CFAP77: variants seen among roughly 807,000 people sequenced by gnomAD.
The protein encoded by CFAP77 is cilia- and flagella-associated protein 77.
CFAP77 carries 25 observed loss-of-function variants against 31.1 expected under a neutral mutation model. The ratio of observed to expected loss-of-function variants is 0.80; its 90% CI spans 0.59 to 1.12. The LOEUF is 1.12. CFAP77 is among the 50% of genes most tolerant of loss of function. CFAP77 has a pLI of 0.00. For synonymous variants in CFAP77, 151 were observed against 159.9 expected (o/e 0.94, Z 0.42); for missense variants, 377 against 397.3 (o/e 0.95, Z 0.44).
chr9:132,456,157 T>C (rs1436700404), intron 1 of CFAP77, among the ~76,000 whole-genome samples: 1 of 152,164 alleles, frequency 6.6e-6, no homozygotes, highest in Non-Finnish European at 1.5e-5. Flanking sequence ...CGTGGTTACA[T>C]TTGAATGGAG....
intron 3 of CFAP77, among the ~76,000 whole-genome samples, chr9:132,500,320 C>T (rs1236508723): frequency 2.0e-5 from 3 of 152,174 alleles, no homozygotes. Flanking sequence ...CTTGCCCCAG[C>T]TTCCACATCT....
chr9:132,510,306 C>G (rs981803974), intron 3 of CFAP77, among the ~76,000 whole-genome samples: 2 of 152,252 alleles, frequency 1.3e-5, no homozygotes, highest in African/African-American at 2.4e-5. Context: ...GGGAGGGGCA[C>G]AGCGAAAGCC....
At chr9:132,559,368 G>GAAAAAAAAAAAAAAAAAAAA (rs1852959566) in intron 5 of CFAP77, among the ~76,000 whole-genome samples, 2 of 80,498 alleles carry the variant, frequency 2.5e-5, no homozygotes, top group East Asian at 3.0e-4. Context: ...AAAAAAAAAG[G>GAAAAAAAAAAAAAAAAAAAA]CAAAAGATAG....
Position 132,539,616 on chromosome 9 carries a change from C to T in CFAP77, c.630+1910C>T, listed in dbSNP as rs910263435. Among the ~76,000 whole-genome samples the T allele has an allele frequency of 2.0e-5, 3 of 152,068 alleles. No homozygotes were observed. Among genetic ancestry groups the T allele is most frequent in the Non-Finnish European group, 2.9e-5 (2 of 68,020 alleles). On this transcript the variant is annotated intron_variant, in intron 4 of 5. Coordinates refer to ENST00000393216, the MANE Select transcript of CFAP77 (RefSeq NM_001282957.2). The surrounding 1 kb of genome is among the most constrained non-coding windows in gnomAD (Gnocchi z 4.3). ...ACCAGGGGATCGGAGGAGTCTTTCT[C>T]GAAATCCTGGTACCCTCAGGAGGGG...
rs921965532 is a variant in CFAP77 at position 132,497,121 on chromosome 9, G to A, written c.196-1574G>A. 7.9e-5 allele frequency among the ~76,000 whole-genome samples: 12 copies of A among 151,892 alleles called. No individual in the cohort carries two copies. The highest frequency in any genetic ancestry group is 1.5e-4 in the Non-Finnish European group (10 of 67,994). On this transcript the variant is annotated intron_variant, in intron 1 of 5. Coordinates refer to ENST00000393216, the MANE Select transcript of CFAP77 (RefSeq NM_001282957.2). The surrounding 1 kb of genome is among the most constrained non-coding windows in gnomAD (Gnocchi z 4.9). ...CCTGCGATCCTTCAGATGAGGGGGA[G>A]TGGGTTTGTCTATCTCAACAGGGGG...
intron 1 of CFAP77, among the ~76,000 whole-genome samples, chr9:132,446,461 T>C (rs1425897116): frequency 6.6e-6 from 1 of 151,722 alleles, no homozygotes; most frequent in Non-Finnish European, 1.5e-5. Flanking sequence ...GCTCTCAAGG[T>C]CGGGCGTGGT....
At position 132,500,853 on chromosome 9, in the gene CFAP77, G is replaced by A. The variant is rs145758263; in HGVS notation, c.524+1253G>A. On this transcript the variant is annotated intron_variant, in intron 3 of 5. Transcript: ENST00000393216. ...TCCCTAGTGCTAATGAGGGCCCACAGGCCACACGCAAGTAGGGAGGGAGAT... is the reference window on the plus strand; with the variant it reads ...TCCCTAGTGCTAATGAGGGCCCACAAGCCACACGCAAGTAGGGAGGGAGAT... Among the ~76,000 whole-genome samples the A allele has an allele frequency of 2.3e-3, 350 of 152,308 alleles. 2 individuals are homozygous for A. The highest frequency in any genetic ancestry group is 8.1e-3 in the African/African-American group (336 of 41,558).
intron 1 of CFAP77, among the ~76,000 whole-genome samples, chr9:132,484,492 C>T (rs1851503635): frequency 6.6e-6 from 1 of 152,158 alleles, no homozygotes; most frequent in African/African-American, 2.4e-5. Flanking sequence ...TACATGTGGC[C>T]TTTTGTGCCT....
At chr9:132,523,510 C>T (rs1023676439) in intron 3 of CFAP77, among the ~76,000 whole-genome samples, 3 of 152,256 alleles carry the variant, frequency 2.0e-5, no homozygotes, top group Non-Finnish European at 4.4e-5. Flanking sequence ...ATTACACACA[C>T]AGCCACTTCA....
intron 3 of CFAP77, among the ~76,000 whole-genome samples, chr9:132,521,793 G>A (rs947544063): frequency 2.4e-5 from 1 of 42,466 alleles, no homozygotes; most frequent in East Asian, 2.9e-3. Context: ...TTGAGATGAA[G>A]TCTCACTCTG....
chr9:132,535,005 C>T (rs975123159), intron 3 of CFAP77, among the ~76,000 whole-genome samples: 13 of 152,154 alleles, frequency 8.5e-5, no homozygotes, highest in South Asian at 2.1e-4. Flanking sequence ...CAGTGATCCC[C>T]GGTTCTTTTG....
intron 3 of CFAP77, among the ~76,000 whole-genome samples, chr9:132,519,555 A>G (rs1263542247): frequency 0.023 from 410 of 17,786 alleles, no homozygotes; most frequent in Middle Eastern, 0.036. Flanking sequence ...TAGATGGATG[A>G]ATGGATGGAT....
At chr9:132,445,388 A>G (rs960863827) in intron 1 of CFAP77, among the ~76,000 whole-genome samples, 1 of 152,162 alleles carries the variant, frequency 6.6e-6, no homozygotes, top group African/African-American at 2.4e-5. Flanking sequence ...CCTCATCTTC[A>G]TCCATGTTGT....
chr9:132,437,870 C>T (rs921357537), intron 1 of CFAP77, among the ~76,000 whole-genome samples: 1 of 150,708 alleles, frequency 6.6e-6, no homozygotes, highest in African/African-American at 2.4e-5. Flanking sequence ...AGTAATTTCA[C>T]CATATAGCTG....
In CFAP77 at chr9:132,554,260, G is replaced by T. The variant is rs923323197; in HGVS notation, c.732+11213G>T. Among the ~76,000 whole-genome samples the T allele has an allele frequency of 6.6e-6, 1 of 152,200 alleles. No individual in the cohort carries two copies. Among genetic ancestry groups the T allele is most frequent in the African/African-American group, 2.4e-5 (1 of 41,446 alleles). On this transcript the variant is annotated intron_variant, in intron 5 of 5. Coordinates refer to ENST00000393216, the MANE Select transcript of CFAP77 (RefSeq NM_001282957.2). The surrounding 1 kb of genome is among the most constrained non-coding windows in gnomAD (Gnocchi z 4.1). The stretch of plus-strand genomic sequence containing the variant: ...TTTGGCTTCATGTGGCAGAAATTGA[G>T]CAAGGGTTAGAATCTGTTTAAACCA...
rs551956402 is a variant in CFAP77, at chr9:132,498,003, G to C, written c.196-692G>C. Reference sequence around the variant, plus strand: ...GGGGATATCGACCCTGCCTCTCTAGGCCTCAGTTTCTATAGCTATAAATGG... The same window carrying C: ...GGGGATATCGACCCTGCCTCTCTAGCCCTCAGTTTCTATAGCTATAAATGG... On this transcript the variant is annotated intron_variant, in intron 1 of 5. Coordinates refer to ENST00000393216, the MANE Select transcript of CFAP77 (RefSeq NM_001282957.2). The surrounding 1 kb of genome is among the most constrained non-coding windows in gnomAD (Gnocchi z 4.2). 6.6e-6 allele frequency among the ~76,000 whole-genome samples: 1 copy of C among 152,264 alleles called. No individual in the cohort carries two copies. The highest frequency in any genetic ancestry group is 2.1e-4 in the South Asian group (1 of 4,816).
chr9:132,458,343 G>GTGGGGGGT (rs71791194), intron 1 of CFAP77, among the ~76,000 whole-genome samples: 2 of 102,624 alleles, frequency 1.9e-5, no homozygotes, highest in East Asian at 3.0e-4. Flanking sequence ...TCTCCCTGGC[G>GTGGGGGGT]GGGGAGGGGG....
chr9:132,525,948 G>A (rs962630433), intron 3 of CFAP77, among the ~76,000 whole-genome samples: 3 of 152,112 alleles, frequency 2.0e-5, no homozygotes, highest in African/African-American at 7.2e-5. Context: ...GGAATTGGAT[G>A]TTCTTCTGAT....
rs1025438960 is a variant in CFAP77, at chr9:132,480,557, C to T, written c.196-18138C>T. On this transcript the variant is annotated intron_variant, in intron 1 of 5. Transcript: ENST00000393216. This position sits in a 1 kb window ranked among gnomAD's most constrained non-coding sequence, Gnocchi z 5.8. ...CACAGCAAATGAGACAGGTCTGTCC[C>T]GTGCTCACCCAGCTGACCTGCCGCA... Among the ~76,000 whole-genome samples, 1 of 152,206 alleles carries T rather than the reference C, an allele frequency of 6.6e-6. No homozygotes were observed. Among genetic ancestry groups the T allele is most frequent in the African/African-American group, 2.4e-5 (1 of 41,442 alleles).
Sources: allele counts gnomAD v4.1 joint callset (sites outside exome capture counted in the v4.1 genomes callset), GRCh38; gene constraint gnomAD v4.1.1; non-coding constraint Gnocchi (gnomAD v3.1); transcripts MANE v1.5; gene names NCBI Gene and HGNC (gene_info 2026-07-23, HGNC 2026-07-21).